Variants in NRXN1 observed in about 807,000 individuals in gnomAD.
NRXN1 encodes neurexin 1.
NRXN1 carries 39 observed loss-of-function variants against 150.9 expected under a neutral mutation model. The observed-to-expected ratio is 0.26, with a 90% CI of 0.20 to 0.34. NRXN1 has a LOEUF of 0.34. NRXN1 is among the 10% of genes least tolerant of loss of function. NRXN1 has a pLI of 1.00. For missense variants in NRXN1, 1,815 were observed against 1,949.9 expected, an observed-to-expected ratio of 0.93 and a Z score of 1.30; for synonymous variants, 924 against 757.0, an observed-to-expected ratio of 1.22 and a Z score of -3.62.
intron 21 of NRXN1, among the ~76,000 whole-genome samples, chr2:49,980,696 G>A (rs1679852357): frequency 6.6e-6 from 1 of 152,122 alleles, no homozygotes; most frequent in South Asian, 2.1e-4. Context: ...CCTACAAATA[G>A]GGCACTTGGC....
intron 5 of NRXN1, among the ~76,000 whole-genome samples, chr2:50,821,663 A>T (rs1215113064): frequency 2.0e-5 from 3 of 152,156 alleles, no homozygotes. Context: ...TGATAAAATG[A>T]TGTACTGAAT....
intron 2 of NRXN1, among the ~76,000 whole-genome samples, chr2:50,943,971 A>G (rs1689909536): frequency 6.6e-6 from 1 of 152,140 alleles, no homozygotes; most frequent in Admixed American, 6.6e-5. Flanking sequence ...GATGGAAGGA[A>G]TTGGAATGGA....
intron 15 of NRXN1, among the ~76,000 whole-genome samples, chr2:50,474,401 G>A (rs1364275723): frequency 6.6e-6 from 1 of 151,804 alleles, no homozygotes; most frequent in Admixed American, 6.6e-5. Flanking sequence ...GAAGAACCTA[G>A]TTGTGCAAGT....
chr2:50,915,725 T>C (rs1465525607), intron 5 of NRXN1, among the ~76,000 whole-genome samples: 3 of 151,322 alleles, frequency 2.0e-5, no homozygotes, highest in Non-Finnish European at 3.0e-5. Context: ...CTTTGGCAGA[T>C]TACAGATCAA....
intron 18 of NRXN1, among the ~76,000 whole-genome samples, chr2:50,180,689 C>G (rs899366349): frequency 6.6e-6 from 1 of 152,150 alleles, no homozygotes; most frequent in Non-Finnish European, 1.5e-5. Flanking sequence ...TACCATCAGA[C>G]ACCAGATGCT....
At chr2:50,617,475 T>G (rs1679248815) in intron 8 of NRXN1, among the ~76,000 whole-genome samples, 1 of 151,454 alleles carries the variant, frequency 6.6e-6, no homozygotes, top group African/African-American at 2.4e-5. Flanking sequence ...ATGTTTTGAT[T>G]TATAGATTAA....
intron 18 of NRXN1, among the ~76,000 whole-genome samples, chr2:50,137,089 T>C (rs895724927): frequency 1.3e-5 from 2 of 152,160 alleles, no homozygotes; most frequent in Non-Finnish European, 2.9e-5. Context: ...ACAAACCAAG[T>C]AGATTTTTTT....
chr2:50,943,224 T>A (rs1162511425), intron 2 of NRXN1, among the ~76,000 whole-genome samples: 1 of 152,162 alleles, frequency 6.6e-6, no homozygotes, highest in Non-Finnish European at 1.5e-5. Context: ...CTCTTTTCTT[T>A]ATAAATTACC....
At chr2:50,322,431 A>G (rs575033168) in intron 17 of NRXN1, among the ~76,000 whole-genome samples, 20 of 152,324 alleles carry the variant, frequency 1.3e-4, no homozygotes, top group Admixed American at 5.9e-4. Context: ...TCTGATCCCT[A>G]GAAGATACCT....
At chr2:50,949,666 C>T (rs1163355656) in intron 2 of NRXN1, among the ~76,000 whole-genome samples, 4 of 152,052 alleles carry the variant, frequency 2.6e-5, no homozygotes, top group Non-Finnish European at 4.4e-5. Context: ...CCTTCATTCT[C>T]CCAGGAGCTT....
At chr2:50,891,641 C>T (rs1297258028) in intron 5 of NRXN1, among the ~76,000 whole-genome samples, 2 of 151,964 alleles carry the variant, frequency 1.3e-5, no homozygotes, top group Non-Finnish European at 2.9e-5. Flanking sequence ...CATGCCAAGG[C>T]TAGAGAAACA....
chr2:50,993,929 T>C (rs1297881604), intron 2 of NRXN1, among the ~76,000 whole-genome samples: 1 of 151,992 alleles, frequency 6.6e-6, no homozygotes, highest in African/African-American at 2.4e-5. Flanking sequence ...AACCTTCAAC[T>C]ACTTTCTATT....
chr2:50,514,786 C>T (rs2092576404), intron 12 of NRXN1, among the ~76,000 whole-genome samples: 1 of 152,126 alleles, frequency 6.6e-6, no homozygotes, highest in Non-Finnish European at 1.5e-5. Flanking sequence ...AAACGTTTCC[C>T]ATAAATTCTG....
At chr2:50,091,523 G>GA in intron 18 of NRXN1, 29 bp from the exon 19 acceptor site, 1 of 1,609,332 alleles carries the variant, frequency 6.2e-7, no homozygotes, top group Non-Finnish European at 8.5e-7. Context: ...AAAAAGAGTT[G>GA]AATTAAGTTG....
At chr2:50,760,815 C>G (rs1701720296) in intron 5 of NRXN1, among the ~76,000 whole-genome samples, 2 of 152,020 alleles carry the variant, frequency 1.3e-5, no homozygotes, top group East Asian at 3.9e-4. Flanking sequence ...ATGGGCGGGG[C>G]ATGTGTAATG....
At chr2:50,071,979 C>T (rs543136570) in intron 19 of NRXN1, among the ~76,000 whole-genome samples, 1 of 151,960 alleles carries the variant, frequency 6.6e-6, no homozygotes, top group Admixed American at 6.6e-5. Flanking sequence ...GTACAGTTAC[C>T]AAATAAACTC....
intron 17 of NRXN1, among the ~76,000 whole-genome samples, chr2:50,415,955 C>CAAAAAA (rs10585013): frequency 1.1e-5 from 1 of 88,826 alleles, no homozygotes; most frequent in Admixed American, 1.2e-4. Context: ...CAACAACATA[C>CAAAAAA]AAAAAAAAAA....
intron 2 of NRXN1, among the ~76,000 whole-genome samples, chr2:50,942,366 T>C (rs1312946507): frequency 1.3e-5 from 2 of 152,032 alleles, no homozygotes; most frequent in African/African-American, 2.4e-5. Flanking sequence ...AGTGGAGTTG[T>C]GAGAAGGCAG....
At chr2:50,751,980 A>T (rs1180098051) in intron 5 of NRXN1, among the ~76,000 whole-genome samples, 1 of 151,918 alleles carries the variant, frequency 6.6e-6, no homozygotes, top group African/African-American at 2.4e-5. Context: ...TGGATTGAGT[A>T]GCTATTGAAT....
Sources: gnomAD v4.1 joint callset for allele counts (sites outside exome capture counted in the v4.1 genomes callset) on GRCh38, gnomAD v4.1.1 for gene constraint, MANE v1.5 for transcripts, NCBI Gene and HGNC (gene_info 2026-07-23, HGNC 2026-07-21) for gene names.